Variants in NRXN3 observed in about 807,000 individuals in gnomAD.
The protein encoded by NRXN3 is neurexin III.
NRXN3 carries 32 observed loss-of-function variants against 137.6 expected under a neutral mutation model. That is an observed-to-expected ratio of 0.23 (90% CI 0.18 to 0.31). NRXN3 has a LOEUF of 0.31. NRXN3 is among the 10% of genes least tolerant of loss of function. The pLI, the probability that NRXN3 is intolerant of heterozygous loss-of-function variation, is 1.00. For missense variants in NRXN3, 1,574 were observed against 2,062.5 expected, an observed-to-expected ratio of 0.76 and a Z score of 4.59; for synonymous variants, 798 against 784.5, an observed-to-expected ratio of 1.02 and a Z score of -0.29.
chr14:79,781,954 CTT>C (rs1048938482), intron 19 of NRXN3, among the ~76,000 whole-genome samples: 1 of 152,172 alleles, frequency 6.6e-6, no homozygotes, highest in Non-Finnish European at 1.5e-5. Flanking sequence ...TACAATTTCT[CTT>C]TTAACTGCCT....
chr14:78,419,970 C>CA (rs967205680), intron 4 of NRXN3, among the ~76,000 whole-genome samples: 1 of 39,290 alleles, frequency 2.5e-5, no homozygotes, highest in Non-Finnish European at 1.1e-4. Flanking sequence ...CGCACACACA[C>CA]ACACACACAC....
At chr14:78,779,174 C>A (rs924705531) in intron 8 of NRXN3, among the ~76,000 whole-genome samples, 1 of 151,930 alleles carries the variant, frequency 6.6e-6, no homozygotes, top group Admixed American at 6.6e-5. Flanking sequence ...TTAAAAAATA[C>A]ATCCTAAACA....
At chr14:79,303,639 G>C (rs1014396387) in intron 15 of NRXN3, among the ~76,000 whole-genome samples, 5 of 152,068 alleles carry the variant, frequency 3.3e-5, no homozygotes, top group Middle Eastern at 3.4e-3. Context: ...TGTTGGGGGT[G>C]GGGGGCTAAA....
At chr14:79,717,914 G>A (rs1567994900) in intron 19 of NRXN3, among the ~76,000 whole-genome samples, 1 of 152,092 alleles carries the variant, frequency 6.6e-6, no homozygotes, top group Non-Finnish European at 1.5e-5. Flanking sequence ...CATTTTTTTG[G>A]GAGAGCAGGG....
At chr14:78,690,702 G>C (rs141736028) in intron 6 of NRXN3, among the ~76,000 whole-genome samples, 229 of 152,184 alleles carry the variant, frequency 1.5e-3, no homozygotes, top group African/African-American at 5.4e-3. Flanking sequence ...ACAATGAAGA[G>C]AGAAGGTTCA....
At chr14:78,520,827 C>G (rs540516088) in intron 4 of NRXN3, among the ~76,000 whole-genome samples, 2 of 152,196 alleles carry the variant, frequency 1.3e-5, no homozygotes, top group Non-Finnish European at 2.9e-5. Flanking sequence ...CAGAACACTG[C>G]GAATTAGCAC....
At chr14:79,275,738 G>T (rs951222653) in intron 15 of NRXN3, among the ~76,000 whole-genome samples, 1 of 151,372 alleles carries the variant, frequency 6.6e-6, no homozygotes, top group Non-Finnish European at 1.5e-5. Flanking sequence ...GGATGGGGGG[G>T]GGGACATTTA....
chr14:78,715,254 T>C (rs1350000222), intron 8 of NRXN3, 115 bp downstream of exon 8: 1 of 1,349,626 alleles, frequency 7.4e-7, no homozygotes, highest in Non-Finnish European at 9.9e-7. Flanking sequence ...CTTCCAAGAG[T>C]TTTTGGGTTT....
intron 4 of NRXN3, among the ~76,000 whole-genome samples, chr14:78,624,487 G>C (rs1044527689): frequency 2.0e-5 from 3 of 152,214 alleles, no homozygotes; most frequent in Admixed American, 1.3e-4. Context: ...ATGGCAAGAG[G>C]GGGGCGGTAT....
At chr14:78,991,789 T>A (rs990575860) in intron 15 of NRXN3, among the ~76,000 whole-genome samples, 3 of 152,340 alleles carry the variant, frequency 2.0e-5, no homozygotes, top group Admixed American at 6.5e-5. Context: ...TTACCAAATA[T>A]GATTGCCTGA....
intron 15 of NRXN3, among the ~76,000 whole-genome samples, chr14:79,351,998 A>G (rs1011465026): frequency 5.3e-5 from 8 of 152,212 alleles, no homozygotes; most frequent in African/African-American, 1.9e-4. Context: ...CTTTATTTTA[A>G]ATTACATTTC....
intron 15 of NRXN3, among the ~76,000 whole-genome samples, chr14:79,046,060 C>CT (rs2099632654): frequency 6.6e-6 from 1 of 152,154 alleles, no homozygotes; most frequent in African/African-American, 2.4e-5. Context: ...ATATGTATAT[C>CT]TAATGGGTAC....
At chr14:79,835,256 A>G (rs2099336698) in intron 20 of NRXN3, among the ~76,000 whole-genome samples, 1 of 152,160 alleles carries the variant, frequency 6.6e-6, no homozygotes, top group Non-Finnish European at 1.5e-5. Flanking sequence ...CACAACTTGT[A>G]TACATTTCAA....
At chr14:79,588,812 G>A (rs1285930930) in intron 16 of NRXN3, among the ~76,000 whole-genome samples, 2 of 152,190 alleles carry the variant, frequency 1.3e-5, no homozygotes, top group Non-Finnish European at 2.9e-5. Context: ...CACAGTAGGT[G>A]TAAATATTTG....
At chr14:79,664,713 T>C (rs899793231) in intron 17 of NRXN3, among the ~76,000 whole-genome samples, 11 of 152,150 alleles carry the variant, frequency 7.2e-5, no homozygotes, top group Admixed American at 5.9e-4. Context: ...CTTTCCCTCT[T>C]GCCTCTCACT....
At chr14:78,974,506 T>C (rs1020328986) in intron 14 of NRXN3, among the ~76,000 whole-genome samples, 2 of 152,218 alleles carry the variant, frequency 1.3e-5, no homozygotes, top group African/African-American at 2.4e-5. Flanking sequence ...TAAAGTAAAT[T>C]GTTTACCAAA....
At chr14:78,711,432 C>CTTTTTTTTTTTTTTT (rs1254367279) in intron 7 of NRXN3, among the ~76,000 whole-genome samples, 2 of 103,222 alleles carry the variant, frequency 1.9e-5, no homozygotes, top group African/African-American at 3.7e-5. Flanking sequence ...TAATTCTTTT[C>CTTTTTTTTTTTTTTT]TCTTTTTTTT....
At chr14:79,314,750 C>T (rs1184578963) in intron 15 of NRXN3, among the ~76,000 whole-genome samples, 1 of 147,086 alleles carries the variant, frequency 6.8e-6, no homozygotes, top group Non-Finnish European at 1.5e-5. Context: ...CAAGTGGGTC[C>T]CTGACCCCTG....
intron 14 of NRXN3, among the ~76,000 whole-genome samples, chr14:78,975,627 G>T (rs1358278199): frequency 6.6e-6 from 1 of 152,148 alleles, no homozygotes; most frequent in Non-Finnish European, 1.5e-5. Context: ...ACAGAGAGCA[G>T]ATTCAGGAGT....
Sources: allele counts gnomAD v4.1 joint callset (sites outside exome capture counted in the v4.1 genomes callset), GRCh38; gene constraint gnomAD v4.1.1; transcripts MANE v1.5; gene names NCBI Gene and HGNC (gene_info 2026-07-23, HGNC 2026-07-21).